Variants in ZAN observed in about 807,000 individuals in gnomAD.
ZAN encodes zonadhesin.
In ZAN, 260 loss-of-function variants were observed where a neutral mutation model predicts 286.2. The ratio of observed to expected loss-of-function variants is 0.91; its 90% CI spans 0.82 to 1.01. ZAN has a LOEUF of 1.01. Among genes scored for constraint, ZAN ranks in the 50% least tolerant of loss-of-function variants. The pLI, the probability that ZAN is intolerant of heterozygous loss-of-function variation, is 0.00. For missense variants in ZAN, 3,410 were observed against 3,639.2 expected (o/e 0.94, Z 1.62); for synonymous variants, 1,368 against 1,417.5 (o/e 0.97, Z 0.79).
At chr7:100,748,958 C>G (rs1438744258) in intron 11 of ZAN, among the ~76,000 whole-genome samples, 1 of 152,056 alleles carries the variant, frequency 6.6e-6, no homozygotes, top group Non-Finnish European at 1.5e-5. Context: ...ATCGCTTCAG[C>G]TCAGAAGTCA....
chr7:100,792,854 G>A (rs1812078263), intron 42 of ZAN, among the ~76,000 whole-genome samples: 1 of 151,742 alleles, frequency 6.6e-6, no homozygotes. Context: ...GTTCACACCT[G>A]TAATCCCAGT....
chr7:100,765,585 C>A, intron 23 of ZAN, 31 bp downstream of exon 23: 1 of 1,569,132 alleles, frequency 6.4e-7, no homozygotes, highest in Non-Finnish European at 8.6e-7. Flanking sequence ...CTCAGCCCTG[C>A]AGCTAGAAAG....
At chr7:100,759,904 C>T in intron 18 of ZAN, 59 bp downstream of exon 18, 1 of 1,566,666 alleles carries the variant, frequency 6.4e-7, no homozygotes, top group South Asian at 1.2e-5. Flanking sequence ...CCTGGCCAAC[C>T]CTTCCAATCC....
In ZAN at chr7:100,736,519, A is replaced by C; in HGVS notation, c.143A>C (p.Lys48Thr). The C allele has an allele frequency of 2.0e-6, 3 of 1,524,036 alleles. No individual in the cohort carries two copies. Among genetic ancestry groups the C allele is most frequent in the Non-Finnish European group, 2.7e-6 (3 of 1,108,138 alleles). 94.4% of individuals were successfully genotyped at this position (1,524,036 alleles called of 1,614,324 possible). Residue 48 changes from lysine (K) to threonine (T), a missense_variant, in exon 4 of 48, where the codon AAA becomes ACA. Physicochemically the swap from Lys to Thr is moderately conservative, Grantham distance 78. This residue lies in a region of ZAN where 872 missense variants were observed against 938.9 expected (regional missense o/e 0.93). Coordinates refer to ENST00000613979, the MANE Select transcript of ZAN (RefSeq NM_003386.3). ...LTQCDFEDDAKPLCDWSQVSA... is the reference protein window; with the variant it reads ...LTQCDFEDDATPLCDWSQVSA... ...CAGTGTGATTTTGAGGATGACGCCA[A>C]ACCCCTCTGTGACTGGTCCCAAGTG...
In ZAN at chr7:100,747,589, G is replaced by A. The variant is rs768737759; in HGVS notation, c.971G>A (p.Gly324Glu). The change falls in exon 9 of 48, where the codon GGG becomes GAG. Residue 324 changes from glycine to glutamate, a missense_variant. By Grantham distance (98) the Gly-to-Glu change is moderately conservative (BLOSUM62 -2). Coordinates refer to ENST00000613979, the MANE Select transcript of ZAN (RefSeq NM_003386.3). ...RKHTLFSGQPGPNWQAVSVNY... is the reference protein window; with the variant it reads ...RKHTLFSGQPEPNWQAVSVNY... ...CACACTCTCTTCTCAGGACAACCTG[G>A]GCCCAACTGGCAGGCTGTTTCTGTC... The A allele has an allele frequency of 1.1e-5, 17 of 1,613,582 alleles. No individual in the cohort carries two copies. The highest frequency in any genetic ancestry group is 1.3e-5 in the African/African-American group (1 of 74,820).
intron 11 of ZAN, 69 bp downstream of exon 11, chr7:100,748,539 T>C: frequency 1.3e-6 from 2 of 1,538,644 alleles, no homozygotes; most frequent in Non-Finnish European, 1.8e-6. Flanking sequence ...GGCTGGCTGC[T>C]GTGACTGATG....
intron 23 of ZAN, 72 bp from the exon 24 acceptor site, chr7:100,766,453 T>C (rs1421482008): frequency 4.7e-6 from 7 of 1,492,394 alleles, no homozygotes; most frequent in East Asian, 2.5e-5. Flanking sequence ...TGAGCTCTGG[T>C]GTCAGATCTG....
chr7:100,753,532 A>G lies in ZAN; in HGVS notation c.3124+303A>G, dbSNP rs554186015. ...CATAAAATTCACCCTTTTAAAGTGTACAATTCTAGGCCGGGCACGGTAGCT... is the reference window on the plus strand; with the variant it reads ...CATAAAATTCACCCTTTTAAAGTGTGCAATTCTAGGCCGGGCACGGTAGCT... On this transcript the variant is annotated intron_variant, in intron 14 of 47. Coordinates refer to ENST00000613979, the MANE Select transcript of ZAN (RefSeq NM_003386.3). Among the ~76,000 whole-genome samples, 6 of 152,220 alleles carry G rather than the reference A, an allele frequency of 3.9e-5. No homozygotes were observed. In the East Asian group the frequency reaches 1.2e-3, roughly 29 times the overall value.
Position 100,786,047 on chromosome 7 carries a change from G to T in ZAN, c.6885G>T (p.Thr2295=). The T allele has an allele frequency of 6.2e-7, 1 of 1,614,004 alleles. No individual in the cohort carries two copies. The highest frequency in any genetic ancestry group is 8.5e-7 in the Non-Finnish European group (1 of 1,179,900). ...GTTGCACGGAGAAGTGTGTCTGCAC[G>T]GGAGGAGCCATTCAGTGCGGGGACT... ...SSGCTEKCVC[T]GGAIQCGDFR... is the part of the protein sequence containing the mutation. Residue 2295 remains threonine, a synonymous_variant, in exon 37 of 48, where the codon ACG becomes ACT. Transcript: ENST00000613979.
At position 100,739,515 on chromosome 7, in the gene ZAN, A is replaced by C. The variant is rs925493215; in HGVS notation, c.766+902A>C. Among the ~76,000 whole-genome samples the C allele has an allele frequency of 3.7e-5, 5 of 136,020 alleles. 1 individual carries two copies. Among genetic ancestry groups the C allele is most frequent in the Non-Finnish European group, 8.3e-5 (5 of 60,482 alleles). The allele number at this position is 136,020 out of a possible 152,430, so 89.2% of individuals were successfully genotyped here. A position where few individuals can be genotyped will look rare whatever the true frequency, so the allele number is the denominator to read the frequency against. ...TAAAAAGTCAAACAAGTTTGGAGCC[A>C]AGTGCACTGGCTCACGCCTGTAATC... On this transcript the variant is annotated intron_variant, in intron 7 of 47. Transcript: ENST00000613979.
chr7:100,765,317 C>T (rs764127290), intron 22 of ZAN, 35 bp from the exon 23 acceptor site: 35 of 1,605,234 alleles, frequency 2.2e-5, no homozygotes, highest in South Asian at 2.1e-4. Context: ...GTGGCTTGTT[C>T]GTCTCCTTCT....
intron 35 of ZAN, among the ~76,000 whole-genome samples, chr7:100,784,351 A>T (rs1189798612): frequency 6.6e-6 from 1 of 151,694 alleles, no homozygotes; most frequent in Non-Finnish European, 1.5e-5. Context: ...GATGGTCTCG[A>T]TCTCCTGACC....
At chr7:100,783,128 C>T (rs891903854) in intron 35 of ZAN, among the ~76,000 whole-genome samples, 41 of 151,768 alleles carry the variant, frequency 2.7e-4, no homozygotes, top group Non-Finnish European at 3.4e-4. Flanking sequence ...AATAGCTGGG[C>T]GTGCTAGTAT....
At chr7:100,757,022 C>T (rs1011577606) in intron 15 of ZAN, among the ~76,000 whole-genome samples, 1 of 152,228 alleles carries the variant, frequency 6.6e-6, no homozygotes, top group Non-Finnish European at 1.5e-5. Context: ...CCCGCCTCAG[C>T]CTTCCAAAGT....
chr7:100,775,884 T>G, intron 33 of ZAN, 51 bp downstream of exon 33: 1 of 1,595,088 alleles, frequency 6.3e-7, no homozygotes, highest in East Asian at 2.2e-5. Context: ...CCAGGGAGAT[T>G]GGTGGCCGGC....
rs757439938 is a variant in ZAN at position 100,792,471 on chromosome 7, C to A, written c.7779C>A (p.Val2593=). ...AGCAAGAGGAGCTGCGTTGCCAGGT[C>A]CTCAGTGGGTACGCCATCCTCTGCC... ...PREQEELRCQ[V]LSGHGVSSRY... is the part of the protein sequence containing the mutation. Residue 2593 remains valine, a synonymous_variant, in exon 42 of 48, where the codon GTC becomes GTA. Transcript: ENST00000613979. The A allele has an allele frequency of 1.2e-6, 2 of 1,613,896 alleles. No individual in the cohort carries two copies. Among genetic ancestry groups the A allele is most frequent in the Admixed American group, 3.3e-5 (2 of 60,020 alleles).
chr7:100,735,895 A>C, intron 3 of ZAN, 123 bp downstream of exon 3: 1 of 766,460 alleles, frequency 1.3e-6, no homozygotes, highest in East Asian at 2.9e-5. Flanking sequence ...TCCGGGCATC[A>C]GCCAGGACTA....
chr7:100,790,974 G>T lies in ZAN; in HGVS notation c.7390G>T (p.Val2464Leu), dbSNP rs769715218. 6.2e-7 allele frequency: 1 copy of T among 1,612,340 alleles called. No individual in the cohort carries two copies. The highest frequency in any genetic ancestry group is 8.5e-7 in the Non-Finnish European group (1 of 1,179,322). Reference sequence around the variant, plus strand: ...CCTACCCAGCATGTACGAGGGGCTTGTGAGTGGCCTGTGCGGAAACTACGA... The same window carrying T: ...CCTACCCAGCATGTACGAGGGGCTTTTGAGTGGCCTGTGCGGAAACTACGA... ...ISLPSMYEGL[V>L]SGLCGNYDKN... is the part of the protein sequence containing the mutation. Residue 2464 changes from valine (V) to leucine (L), a missense_variant, in exon 40 of 48, where the codon GTG (valine) becomes TTG (leucine). Physicochemically the swap from Val to Leu is conservative, Grantham distance 32. Coordinates refer to ENST00000613979, the MANE Select transcript of ZAN (RefSeq NM_003386.3).
chr7:100,780,006 C>G (rs1415489184), intron 35 of ZAN, among the ~76,000 whole-genome samples: 1 of 151,514 alleles, frequency 6.6e-6, no homozygotes, highest in African/African-American at 2.4e-5. Context: ...ACCAGCCTGG[C>G]CAACATGGTG....
Sources: gnomAD v4.1 joint callset for allele counts (sites outside exome capture counted in the v4.1 genomes callset) on GRCh38, gnomAD v4.1.1 for gene constraint, gnomAD v4.1.1 regional missense constraint, MANE v1.5 for transcripts, NCBI Gene and HGNC (gene_info 2026-07-23, HGNC 2026-07-21) for gene names.